Variants in CRLF1 observed in about 807,000 individuals in gnomAD.
The protein encoded by CRLF1 is cytokine receptor like factor 1.
CRLF1 carries 36 observed loss-of-function variants against 48.9 expected under a neutral mutation model. The observed-to-expected ratio is 0.74, with a 90% confidence interval of 0.56 to 0.97. The LOEUF is 0.97. Among genes scored for constraint, CRLF1 ranks in the 50% least tolerant of loss-of-function variants. The probability of loss-of-function intolerance (pLI) is 0.00; values close to 1 mark genes in which losing one functional copy is unlikely to be tolerated. For missense variants in CRLF1, 534 were observed against 575.1 expected (o/e 0.93, Z 0.73); for synonymous variants, 256 against 253.4 (o/e 1.01, Z -0.10).
intron 8 of CRLF1, 38 bp downstream of exon 8, chr19:18,594,027 C>T: frequency 1.4e-6 from 2 of 1,383,900 alleles, no homozygotes; most frequent in East Asian, 2.5e-5. Context: ...GGGCCCTCCC[C>T]TTGCTCCCTC....
intron 4 of CRLF1, among the ~76,000 whole-genome samples, chr19:18,597,640 G>C (rs1237215910): frequency 6.6e-6 from 1 of 151,824 alleles, no homozygotes; most frequent in African/African-American, 2.4e-5. Context: ...CCGTTTTTTA[G>C]CCGGGATGGT....
intron 8 of CRLF1, 128 bp downstream of exon 8, chr19:18,593,937 A>AGGAC: frequency 1.4e-6 from 2 of 1,479,716 alleles, no homozygotes; most frequent in Non-Finnish European, 1.8e-6. Context: ...ACAAAGGAAG[A>AGGAC]GGACGGATTC....
intron 4 of CRLF1, among the ~76,000 whole-genome samples, chr19:18,597,910 C>T (rs1170872661): frequency 6.6e-6 from 1 of 151,988 alleles, no homozygotes; most frequent in African/African-American, 2.4e-5. Flanking sequence ...TTCTGAGGAT[C>T]CTTCTGGGGG....
intron 1 of CRLF1, 138 bp from the exon 2 acceptor site, chr19:18,599,984 T>A: frequency 2.0e-6 from 2 of 984,054 alleles, no homozygotes; most frequent in Non-Finnish European, 1.4e-6. Context: ...ATAGGGAAGG[T>A]AGAGATCAGT....
Position 18,599,777 on chromosome 19 carries a change from A to ACCAC in CRLF1, c.184_185insGTGG (p.Val62GlyfsTer26). The ACCAC allele has an allele frequency of 6.3e-7, 1 of 1,592,008 alleles. No homozygotes were observed. ...GGTGGCTCCTGGTGGGTCTCCGTGC[A>ACCAC]CTGAGCAGGTGGCCAGCAGGGAGGA... On this transcript the variant is annotated frameshift_variant, in exon 2 of 9. Coordinates refer to ENST00000392386, the MANE Select transcript of CRLF1 (RefSeq NM_004750.5). LOFTEE classifies it high-confidence loss of function.
chr19:18,596,354 CA>C (rs1453782915), intron 6 of CRLF1, among the ~76,000 whole-genome samples: 1 of 152,058 alleles, frequency 6.6e-6, no homozygotes, highest in African/African-American at 2.4e-5. Context: ...GCCTGGCCAA[CA>C]TGGTGAAATC....
chr19:18,603,535 G>T (rs1224500053), intron 1 of CRLF1, among the ~76,000 whole-genome samples: 1 of 152,178 alleles, frequency 6.6e-6, no homozygotes, highest in Non-Finnish European at 1.5e-5. Flanking sequence ...GGTGAGATAT[G>T]CGTTAAAAGG....
At chr19:18,605,790 C>T (rs1349570731) in intron 1 of CRLF1, among the ~76,000 whole-genome samples, 3 of 152,128 alleles carry the variant, frequency 2.0e-5, no homozygotes, top group East Asian at 1.9e-4. Context: ...GGTCTTGGCC[C>T]GTAGGGCAGC....
intron 8 of CRLF1, 49 bp from the exon 9 acceptor site, chr19:18,593,628 C>T (rs201615162): frequency 1.9e-6 from 3 of 1,575,428 alleles, no homozygotes; most frequent in Non-Finnish European, 2.6e-6. Flanking sequence ...AGGAGAGGGC[C>T]GCACCACAGA....
At chr19:18,603,889 G>A (rs1378450342) in intron 1 of CRLF1, among the ~76,000 whole-genome samples, 1 of 151,374 alleles carries the variant, frequency 6.6e-6, no homozygotes, top group African/African-American at 2.4e-5. Context: ...GGGGGCGGCC[G>A]AGGGGGGCGG....
At chr19:18,596,818 G>A in intron 5 of CRLF1, 28 bp from the exon 6 acceptor site, 1 of 1,613,270 alleles carries the variant, frequency 6.2e-7, no homozygotes, top group Non-Finnish European at 8.5e-7. Flanking sequence ...GGTCAGAGTA[G>A]AGGGCGGGGC....
At chr19:18,596,811 CAG>C in intron 5 of CRLF1, 21 bp from the exon 6 acceptor site, 1 of 1,612,994 alleles carries the variant, frequency 6.2e-7, no homozygotes, top group South Asian at 1.1e-5. Flanking sequence ...AGGACAAGGT[CAG>C]AGTAGAGGGC....
intron 1 of CRLF1, among the ~76,000 whole-genome samples, chr19:18,605,223 C>T (rs1976275420): frequency 1.3e-5 from 2 of 152,290 alleles, no homozygotes; most frequent in South Asian, 4.2e-4. Context: ...CTCACAGGCG[C>T]TGCCCACCGC....
chr19:18,597,194 A>T, intron 4 of CRLF1, 145 bp from the exon 5 acceptor site: 1 of 738,492 alleles, frequency 1.4e-6, no homozygotes, highest in Non-Finnish European at 2.1e-6. Flanking sequence ...GGACTGGTGG[A>T]TTACACGATA....
chr19:18,596,721 C>T lies in CRLF1; in HGVS notation c.925G>A (p.Val309Met), dbSNP rs1007785837. 7 of 1,614,042 alleles carry T rather than the reference C, an allele frequency of 4.3e-6. No homozygotes were observed. The highest frequency in any genetic ancestry group is 1.1e-5 in the South Asian group (1 of 91,076). Reference protein sequence around the residue: ...AGLKPGTVYFVQVRCNPFGIY... With the variant: ...AGLKPGTVYFMQVRCNPFGIY... ...CCAAAGGGGTTGCAGCGCACTTGCA[C>T]GAAGTACACGGTGCCGGGTTTCAGG... The change falls in exon 6 of 9, where the codon GTG (valine) becomes ATG (methionine). Residue 309 changes from valine to methionine, a missense_variant. Around this residue, in one of 2 missense-constraint regions of CRLF1, gnomAD observed 528 missense variants for 555.7 expected, o/e 0.95. Transcript: ENST00000392386.
At chr19:18,604,170 T>C (rs1039396501) in intron 1 of CRLF1, among the ~76,000 whole-genome samples, 1 of 152,058 alleles carries the variant, frequency 6.6e-6, no homozygotes, top group African/African-American at 2.4e-5. Flanking sequence ...TGGGGGGTCC[T>C]GGCTGGGGGG....
intron 1 of CRLF1, among the ~76,000 whole-genome samples, chr19:18,605,999 A>AG (rs1356872671): frequency 6.6e-6 from 1 of 151,820 alleles, no homozygotes; most frequent in Non-Finnish European, 1.5e-5. Flanking sequence ...CGGGTCCCGC[A>AG]GGGGGAGGGC....
In CRLF1 at chr19:18,596,796, C is replaced by G. The variant is rs369678434; in HGVS notation, c.856-6G>C. 2 of 1,613,246 alleles carry G rather than the reference C, an allele frequency of 1.2e-6. No homozygotes were observed. The highest frequency in any genetic ancestry group is 2.7e-5 in the African/African-American group (2 of 74,754). On this transcript the variant is annotated splice_polypyrimidine_tract_variant and splice_region_variant and intron_variant, in intron 5 of 8. Coordinates refer to ENST00000392386, the MANE Select transcript of CRLF1 (RefSeq NM_004750.5). ...TTGCTCACATCGTCCACCACCTGGA[C>G]AGTGAGGACAAGGTCAGAGTAGAGG...
At chr19:18,597,142 C>T in intron 4 of CRLF1, 93 bp from the exon 5 acceptor site, 2 of 1,403,078 alleles carry the variant, frequency 1.4e-6, no homozygotes, top group Non-Finnish European at 1.9e-6. Flanking sequence ...CTAGATGGAA[C>T]CTGCCTCTGT....
Sources: allele counts gnomAD v4.1 joint callset (sites outside exome capture counted in the v4.1 genomes callset), GRCh38; gene constraint gnomAD v4.1.1; regional missense constraint gnomAD v4.1.1; transcripts MANE v1.5; gene names NCBI Gene and HGNC (gene_info 2026-07-23, HGNC 2026-07-21).